The following CCDC40 variants were observed in gnomAD, a reference collection of about 807,000 sequenced individuals.
The protein encoded by CCDC40 is coiled-coil domain-containing protein 40.
In CCDC40, 104 loss-of-function variants were observed where a neutral mutation model predicts 124.5. The observed-to-expected ratio is 0.84, with a 90% CI of 0.71 to 0.98. CCDC40 has a LOEUF of 0.98. CCDC40 is among the 50% of genes least tolerant of loss of function. The pLI is 0.00. For synonymous variants in CCDC40, 580 were observed against 602.9 expected (o/e 0.96, Z 0.56); for missense variants, 1,463 against 1,503.9 (o/e 0.97, Z 0.45).
rs531624917 is a variant in CCDC40, at chr17:80,091,395, T to C, written c.2832+1511T>C. ...GATTTACTATGAGAATTGGCTCTTATGATTATGAGGGCCGAGAAGTCCTAG... is the reference window on the plus strand; with the variant it reads ...GATTTACTATGAGAATTGGCTCTTACGATTATGAGGGCCGAGAAGTCCTAG... On this transcript the variant is annotated intron_variant, in intron 17 of 19. Coordinates refer to ENST00000397545, the MANE Select transcript of CCDC40 (RefSeq NM_017950.4). Among the ~76,000 whole-genome samples, 15 of 151,990 alleles carry C rather than the reference T, an allele frequency of 9.9e-5. No individual in the cohort carries two copies. In the East Asian group the frequency reaches 1.4e-3, roughly 14 times the overall value.
intron 10 of CCDC40, among the ~76,000 whole-genome samples, chr17:80,078,291 A>C (rs6565639): frequency 1.3e-5 from 2 of 148,360 alleles, no homozygotes; most frequent in African/African-American, 5.0e-5. Context: ...AGATCACGCC[A>C]CTGCACTCCA....
Position 80,087,414 on chromosome 17 carries a change from CCCCTGT to C in CCDC40, c.2450-190_2450-185del. On this transcript the variant is annotated intron_variant, in intron 14 of 19. Transcript: ENST00000397545. The surrounding 1 kb of genome is among the most constrained non-coding windows in gnomAD (Gnocchi z 4.5). Reference sequence around the variant, plus strand: ...GGGAGCTTAGCAGCCAAAAAGAGACCCCCTGTCCTCTCCTCTCCTCTGTCCTGGCAG... The same window carrying C: ...GGGAGCTTAGCAGCCAAAAAGAGACCCCTCTCCTCTCCTCTGTCCTGGCAG... 1 of 563,382 alleles carries C rather than the reference CCCCTGT, an allele frequency of 1.8e-6. No individual in the cohort carries two copies. 34.9% of individuals were successfully genotyped at this position (563,382 alleles called of 1,614,324 possible).
chr17:80,090,521 T>A, intron 17 of CCDC40: 1 of 1,523,484 alleles, frequency 6.6e-7, no homozygotes, highest in South Asian at 1.2e-5. Context: ...GTTTTATTCC[T>A]ACTCCATGTA....
chr17:80,049,486 T>C (rs2037522330), intron 5 of CCDC40, among the ~76,000 whole-genome samples: 1 of 151,188 alleles, frequency 6.6e-6, no homozygotes, highest in South Asian at 2.1e-4. Context: ...AGCCACTGCC[T>C]TGAGGGCACC....
At chr17:80,038,413 C>G (rs1338824245) in intron 2 of CCDC40, among the ~76,000 whole-genome samples, 3 of 152,128 alleles carry the variant, frequency 2.0e-5, no homozygotes, top group Non-Finnish European at 4.4e-5. Flanking sequence ...CACATGTAGT[C>G]CCAGCTACTC....
At chr17:80,043,659 AAG>A (rs973833918) in intron 3 of CCDC40, among the ~76,000 whole-genome samples, 18 of 144,828 alleles carry the variant, frequency 1.2e-4, no homozygotes, top group Admixed American at 2.9e-4. Flanking sequence ...CTGGGACTGC[AAG>A]CACTCACCAT....
chr17:80,087,271 G>A lies in CCDC40; in HGVS notation c.2450-336G>A, dbSNP rs1459571006. ...GTCTGAGCATCAACCAGGTCCCGGTGCTCCACAGATTTGCAAGTGTCTGGG... is the reference window on the plus strand; with the variant it reads ...GTCTGAGCATCAACCAGGTCCCGGTACTCCACAGATTTGCAAGTGTCTGGG... On this transcript the variant is annotated intron_variant, in intron 14 of 19. Transcript: ENST00000397545. This position sits in a 1 kb window ranked among gnomAD's most constrained non-coding sequence, Gnocchi z 4.5. 1.2e-5 allele frequency: 5 copies of A among 410,158 alleles called. No individual in the cohort carries two copies. Among genetic ancestry groups the A allele is most frequent in the East Asian group, 5.5e-5 (1 of 18,334 alleles). The allele number at this position is 410,158 out of a possible 1,614,324, so 25.4% of individuals were successfully genotyped here. A position where few individuals can be genotyped will look rare whatever the true frequency, so the allele number is the denominator to read the frequency against.
intron 16 of CCDC40, 59 bp downstream of exon 16, chr17:80,088,161 T>G: frequency 8.3e-7 from 1 of 1,206,316 alleles, no homozygotes; most frequent in Non-Finnish European, 1.2e-6. Context: ...TACAGGCCTC[T>G]GTCCGTTGAA....
In CCDC40 at chr17:80,050,204, G is replaced by A; in HGVS notation, c.1080G>A (p.Arg360=). ...DRHAMASSER[R]QKEEELQAAR... ...ACGCAATGGCCTCGAGCGAGCGCAG[G>A]CAGAAGGAGGAGGAGCTGCAGGCCG... Residue 360 remains arginine, a synonymous_variant, in exon 7 of 20, where the codon AGG becomes AGA. Coordinates refer to ENST00000397545, the MANE Select transcript of CCDC40 (RefSeq NM_017950.4). The A allele has an allele frequency of 1.9e-6, 3 of 1,610,792 alleles. No individual in the cohort carries two copies. Among genetic ancestry groups the A allele is most frequent in the Non-Finnish European group, 2.5e-6 (3 of 1,179,354 alleles).
intron 10 of CCDC40, among the ~76,000 whole-genome samples, chr17:80,073,831 G>T (rs2038249848): frequency 6.6e-6 from 1 of 152,150 alleles, no homozygotes; most frequent in Non-Finnish European, 1.5e-5. Flanking sequence ...GAGTGGCTGA[G>T]ATTGCAGGTG....
intron 17 of CCDC40, among the ~76,000 whole-genome samples, chr17:80,093,109 T>A (rs555394098): frequency 6.6e-6 from 1 of 152,346 alleles, no homozygotes; most frequent in Admixed American, 6.5e-5. Flanking sequence ...GTTCTACTGA[T>A]TTCTGTTTCT....
chr17:80,055,906 G>T (rs1291387248), intron 7 of CCDC40, among the ~76,000 whole-genome samples: 2 of 142,634 alleles, frequency 1.4e-5, no homozygotes, highest in East Asian at 4.2e-4. Flanking sequence ...CGAACTCCCA[G>T]CCTTAAGTGA....
Position 80,099,003 on chromosome 17 carries a change from C to T in CCDC40, c.3181-524C>T, listed in dbSNP as rs191086185. On this transcript the variant is annotated intron_variant, in intron 19 of 19. Transcript: ENST00000397545. The stretch of plus-strand genomic sequence containing the variant: ...CAAAAAAAAAAAAAAAAAATGCCGG[C>T]GGGTCACAGTGGCTCACACCTGTAA... 4.3e-3 allele frequency: 653 copies of T among 150,168 alleles called. 9 individuals carry two copies. The highest frequency in any genetic ancestry group is 0.016 in the African/African-American group (628 of 39,122). The allele number at this position is 150,168 out of a possible 1,614,324, so 9.3% of individuals were successfully genotyped here.
intron 18 of CCDC40, 68 bp from the exon 19 acceptor site, chr17:80,097,177 C>A: frequency 1.9e-6 from 3 of 1,567,276 alleles, no homozygotes; most frequent in Non-Finnish European, 2.6e-6. Flanking sequence ...GTCCTCCCAG[C>A]CTGACTCTTC....
chr17:80,039,249 C>G (rs2037209122), intron 2 of CCDC40, among the ~76,000 whole-genome samples: 1 of 151,998 alleles, frequency 6.6e-6, no homozygotes. Flanking sequence ...CACCTGTAGT[C>G]CCAGCTACTT....
chr17:80,040,381 A>G (rs979803506), intron 3 of CCDC40, 111 bp downstream of exon 3: 3 of 1,110,766 alleles, frequency 2.7e-6, no homozygotes, highest in South Asian at 2.8e-5. Flanking sequence ...AATCCCTGTT[A>G]GAAATGTCTT....
intron 9 of CCDC40, among the ~76,000 whole-genome samples, chr17:80,062,056 G>T (rs1186399087): frequency 6.6e-6 from 1 of 152,194 alleles, no homozygotes; most frequent in Non-Finnish European, 1.5e-5. Flanking sequence ...GCTGCAGTGA[G>T]CTATGATTGC....
chr17:80,042,279 T>C (rs73434923), intron 3 of CCDC40, among the ~76,000 whole-genome samples: 16,347 of 152,024 alleles, frequency 0.11, 2,797 homozygotes, highest in African/African-American at 0.36. Context: ...CCACCACACC[T>C]GGCTAAAATT....
At chr17:80,091,334 C>CAGAGAGAG (rs1358658983) in intron 17 of CCDC40, among the ~76,000 whole-genome samples, 1 of 102,692 alleles carries the variant, frequency 9.7e-6, no homozygotes, top group Admixed American at 9.1e-5. Flanking sequence ...CACACACACA[C>CAGAGAGAG]ACACACACAG....
Sources: allele counts gnomAD v4.1 joint callset (sites outside exome capture counted in the v4.1 genomes callset), GRCh38; gene constraint gnomAD v4.1.1; non-coding constraint Gnocchi (gnomAD v3.1); transcripts MANE v1.5; gene names NCBI Gene and HGNC (gene_info 2026-07-23, HGNC 2026-07-21).